ZNF146: variants seen among roughly 807,000 people sequenced by gnomAD.
The protein encoded by ZNF146 is zinc finger protein OZF.
In ZNF146, 9 loss-of-function variants were observed where a neutral mutation model predicts 22.2. The observed-to-expected ratio is 0.41, with a 90% confidence interval of 0.24 to 0.71. The LOEUF is 0.71. ZNF146 is among the 30% of genes least tolerant of loss of function. ZNF146 has a pLI of 0.34. For synonymous variants in ZNF146, 108 were observed against 119.2 expected, an observed-to-expected ratio of 0.91 and a Z score of 0.61; for missense variants, 194 against 344.8, an observed-to-expected ratio of 0.56 and a Z score of 3.46.
intron 3 of ZNF146, among the ~76,000 whole-genome samples, chr19:36,230,919 A>G (rs903267604): frequency 9.2e-5 from 14 of 152,142 alleles, no homozygotes; most frequent in Admixed American, 1.3e-4. Context: ...CTCCTGCCTT[A>G]GCCTCCCAAG....
At chr19:36,216,021 C>G (rs970036127) in intron 1 of ZNF146, among the ~76,000 whole-genome samples, 1 of 152,082 alleles carries the variant, frequency 6.6e-6, no homozygotes, top group Non-Finnish European at 1.5e-5. Context: ...TCCAAAGATG[C>G]GTTTTCTAAG....
In ZNF146 at chr19:36,227,182, G is replaced by T. The variant is rs1351434570; in HGVS notation, c.-854-1566G>T. On this transcript the variant is annotated intron_variant, in intron 2 of 3. Transcript: ENST00000443387. ...GGTGGGCGGATCACCTGAGGTCAGGGGTTCAAGACCAGCCTGGCCAATGTG... is the reference window on the plus strand; with the variant it reads ...GGTGGGCGGATCACCTGAGGTCAGGTGTTCAAGACCAGCCTGGCCAATGTG... Among the ~76,000 whole-genome samples the T allele has an allele frequency of 4.1e-5, 6 of 147,396 alleles. No homozygotes were observed. The Admixed American group carries it at 4.1e-4, about 10-fold the overall frequency.
In ZNF146 at chr19:36,236,288, C is replaced by T. The variant is rs901032851; in HGVS notation, c.-153C>T. 2.1e-5 allele frequency: 19 copies of T among 915,412 alleles called. No individual in the cohort carries two copies. The highest frequency in any genetic ancestry group is 2.7e-5 in the Non-Finnish European group (17 of 628,102). 56.7% of individuals were successfully genotyped at this position (915,412 alleles called of 1,614,324 possible). ...AGTATGATAACATTTCCTCTCAAAC[C>T]TTATCCCTTACTCTGCATTTGGGAG... On this transcript the variant is annotated 5_prime_UTR_variant, in exon 4 of 4. Coordinates refer to ENST00000443387, the MANE Select transcript of ZNF146 (RefSeq NM_007145.3).
chr19:36,230,299 G>A (rs1476905930), intron 3 of ZNF146, among the ~76,000 whole-genome samples: 1 of 152,170 alleles, frequency 6.6e-6, no homozygotes, highest in African/African-American at 2.4e-5. Flanking sequence ...ATATGTATTA[G>A]GTACTATTTC....
intron 1 of ZNF146, among the ~76,000 whole-genome samples, chr19:36,217,232 T>C (rs956148613): frequency 6.6e-6 from 1 of 151,560 alleles, no homozygotes; most frequent in Admixed American, 6.6e-5. Context: ...GGCTACTTTT[T>C]TTGTATTTTT....
At chr19:36,235,636 T>C (rs1267163855) in intron 3 of ZNF146, 23 bp from the exon 4 acceptor site, 1 of 152,244 alleles carries the variant, frequency 6.6e-6, no homozygotes, top group Non-Finnish European at 1.5e-5. Context: ...CTTTGTGCTA[T>C]GGTTCTTTGT....
rs373250152 is a variant in ZNF146, at chr19:36,237,758, G to A, written c.*439G>A. 1 of 167,620 alleles carries A rather than the reference G, an allele frequency of 6.0e-6. No individual in the cohort carries two copies. The highest frequency in any genetic ancestry group is 2.1e-4 in the South Asian group (1 of 4,830). The allele number at this position is 167,620 out of a possible 1,614,324, so 10.4% of individuals were successfully genotyped here. A position where few individuals can be genotyped will look rare whatever the true frequency, so the allele number is the denominator to read the frequency against. Reference sequence around the variant, plus strand: ...CAGAGCAGAAGAGATTTCAAAAAAAGACCTATGCATTTATTAGAATTTGGA... The same window carrying A: ...CAGAGCAGAAGAGATTTCAAAAAAAAACCTATGCATTTATTAGAATTTGGA... On this transcript the variant is annotated 3_prime_UTR_variant, in exon 4 of 4. Transcript: ENST00000443387.
At chr19:36,233,934 G>A (rs1300823757) in intron 3 of ZNF146, among the ~76,000 whole-genome samples, 2 of 152,080 alleles carry the variant, frequency 1.3e-5, no homozygotes, top group Non-Finnish European at 2.9e-5. Context: ...ACTGGGGGAC[G>A]GTCAGGTCTT....
At chr19:36,225,507 C>A (rs1555742051) in intron 2 of ZNF146, among the ~76,000 whole-genome samples, 1 of 149,358 alleles carries the variant, frequency 6.7e-6, no homozygotes, top group Non-Finnish European at 1.5e-5. Flanking sequence ...GTGATTCTTA[C>A]TTTTTTTTTT....
chr19:36,235,106 G>A (rs1977590456), intron 3 of ZNF146, among the ~76,000 whole-genome samples: 1 of 151,450 alleles, frequency 6.6e-6, no homozygotes, highest in Admixed American at 6.6e-5. Context: ...TTACTCAGGA[G>A]GCTGAGGCTA....
intron 2 of ZNF146, among the ~76,000 whole-genome samples, chr19:36,220,171 A>G (rs1204027303): frequency 6.6e-6 from 1 of 152,168 alleles, no homozygotes. Flanking sequence ...GAATGGTATT[A>G]GAGACAAGAT....
chr19:36,222,621 T>C (rs556639455), intron 2 of ZNF146, among the ~76,000 whole-genome samples: 67 of 151,454 alleles, frequency 4.4e-4, no homozygotes, highest in Non-Finnish European at 9.0e-4. Flanking sequence ...TCCCTTCTTA[T>C]GAATGAGAAT....
At chr19:36,221,524 G>A (rs1173479933) in intron 2 of ZNF146, among the ~76,000 whole-genome samples, 6 of 151,788 alleles carry the variant, frequency 4.0e-5, no homozygotes, top group African/African-American at 1.2e-4. Flanking sequence ...TCCTGACCTC[G>A]TGATCCACCC....
chr19:36,224,450 T>G (rs1383602193), intron 2 of ZNF146, among the ~76,000 whole-genome samples: 2 of 152,224 alleles, frequency 1.3e-5, no homozygotes, highest in Non-Finnish European at 2.9e-5. Context: ...TACTAAATTC[T>G]CACATTTATT....
chr19:36,224,207 C>G (rs991150706), intron 2 of ZNF146, among the ~76,000 whole-genome samples: 6 of 152,140 alleles, frequency 3.9e-5, no homozygotes, highest in African/African-American at 1.4e-4. Flanking sequence ...TATGGAGAAA[C>G]CCTGTCTCTA....
intron 2 of ZNF146, among the ~76,000 whole-genome samples, chr19:36,224,826 C>G (rs554801759): frequency 2.0e-5 from 3 of 152,042 alleles, no homozygotes; most frequent in Non-Finnish European, 2.9e-5. Flanking sequence ...TTTGGGTCCT[C>G]TAGGGTGTTT....
chr19:36,220,633 TG>T lies in ZNF146; in HGVS notation c.-855+2441del, dbSNP rs575240989. ...TGCCCACCTTGGCCTCCCAAAGCGC[TG>T]GGATTACAGGCGTGAGCCACGGCGC... On this transcript the variant is annotated intron_variant, in intron 2 of 3. Transcript: ENST00000443387. Among the ~76,000 whole-genome samples the T allele has an allele frequency of 1.2e-3, 190 of 152,302 alleles. 1 individual carries two copies. Among genetic ancestry groups the T allele is most frequent in the Non-Finnish European group, 2.2e-3 (148 of 68,026 alleles).
At chr19:36,218,954 G>A (rs1379582504) in intron 2 of ZNF146, among the ~76,000 whole-genome samples, 1 of 151,176 alleles carries the variant, frequency 6.6e-6, no homozygotes, top group South Asian at 2.1e-4. Flanking sequence ...GACTACGGGC[G>A]CCCACCACCA....
chr19:36,215,150 C>T lies in ZNF146; in HGVS notation c.-975C>T, dbSNP rs1976542331. On this transcript the variant is annotated 5_prime_UTR_variant, in exon 1 of 4. Transcript: ENST00000443387. Reference sequence around the variant, plus strand: ...ACCGAGTGGACATTTTGGTCTTTGTCCGCGGGTCAGTACGGCCCCTGGGTC... The same window carrying T: ...ACCGAGTGGACATTTTGGTCTTTGTTCGCGGGTCAGTACGGCCCCTGGGTC... 1.3e-5 allele frequency: 2 copies of T among 152,202 alleles called. No homozygotes were observed. Among genetic ancestry groups the T allele is most frequent in the Admixed American group, 1.3e-4 (2 of 15,270 alleles). The allele number at this position is 152,202 out of a possible 1,614,324, so 9.4% of individuals were successfully genotyped here. A position where few individuals can be genotyped will look rare whatever the true frequency, so the allele number is the denominator to read the frequency against.
Sources: allele counts gnomAD v4.1 joint callset (sites outside exome capture counted in the v4.1 genomes callset), GRCh38; gene constraint gnomAD v4.1.1; transcripts MANE v1.5; gene names NCBI Gene and HGNC (gene_info 2026-07-23, HGNC 2026-07-21).